The following C14orf132 variants were observed in gnomAD, a reference collection of about 807,000 sequenced individuals.
C14orf132 encodes chromosome 14 open reading frame 132, also known as uncharacterized protein C14orf132.
Under a neutral mutation model 5.8 loss-of-function variants are expected in C14orf132, and 6 were observed. That is an observed-to-expected ratio of 1.03 (90% CI 0.57 to 2.04). The LOEUF (loss-of-function observed/expected upper bound fraction) is 2.04. C14orf132 is among the 30% of genes most tolerant of loss of function. The pLI is 0.00. For synonymous variants in C14orf132, 51 were observed against 49.8 expected (o/e 1.02, Z -0.10); for missense variants, 125 against 115.8 (o/e 1.08, Z -0.37).
intron 1 of C14orf132, among the ~76,000 whole-genome samples, chr14:96,049,525 TACACATATATACATAC>T (rs1886941701): frequency 7.2e-6 from 1 of 138,448 alleles, no homozygotes; most frequent in Non-Finnish European, 1.6e-5. Context: ...CGTATATATA[TACACATATATACATAC>T]GTATATATAT....
At chr14:96,070,525 A>G (rs1380586533) in intron 1 of C14orf132, among the ~76,000 whole-genome samples, 1 of 151,638 alleles carries the variant, frequency 6.6e-6, no homozygotes, top group Non-Finnish European at 1.5e-5. Flanking sequence ...TGTCCCAGGA[A>G]ACCCAGATTC....
chr14:96,067,758 C>T (rs1018276125), intron 1 of C14orf132, among the ~76,000 whole-genome samples: 7 of 150,632 alleles, frequency 4.6e-5, no homozygotes, highest in African/African-American at 1.5e-4. Context: ...TGTGCCTGGT[C>T]ACACTTGGAG....
intron 1 of C14orf132, among the ~76,000 whole-genome samples, chr14:96,078,370 TAG>T (rs1887936110): frequency 6.6e-6 from 1 of 152,216 alleles, no homozygotes; most frequent in African/African-American, 2.4e-5. Context: ...GTCTTCTGTC[TAG>T]AGAGAGGGGG....
intron 1 of C14orf132, among the ~76,000 whole-genome samples, chr14:96,078,157 A>G (rs1176206276): frequency 2.6e-5 from 4 of 152,192 alleles, no homozygotes; most frequent in African/African-American, 7.2e-5. Context: ...AGATCAAGGG[A>G]GCCCCCACAC....
chr14:96,059,820 G>A (rs1182585779), intron 1 of C14orf132, among the ~76,000 whole-genome samples: 1 of 152,184 alleles, frequency 6.6e-6, no homozygotes, highest in Non-Finnish European at 1.5e-5. Context: ...GCCAGAGGGA[G>A]CTTTCTCCTG....
chr14:96,049,546 A>G (rs1566823643), intron 1 of C14orf132, among the ~76,000 whole-genome samples: 1 of 137,590 alleles, frequency 7.3e-6, no homozygotes, highest in Non-Finnish European at 1.6e-5. Flanking sequence ...ACATACGTAT[A>G]TATATACATA....
At chr14:96,057,944 A>C (rs1176784915) in intron 1 of C14orf132, among the ~76,000 whole-genome samples, 1 of 152,178 alleles carries the variant, frequency 6.6e-6, no homozygotes, top group Admixed American at 6.5e-5. Flanking sequence ...GAGTCACCAT[A>C]ACCATAACTG....
Position 96,089,114 on chromosome 14 carries a change from C to T in C14orf132, c.*2379C>T, listed in dbSNP as rs1888301554. On this transcript the variant is annotated 3_prime_UTR_variant, in exon 2 of 2. Coordinates refer to ENST00000555004, the MANE Select transcript of C14orf132 (RefSeq NM_001252507.3). Reference sequence around the variant, plus strand: ...TCATCAGCTTTTTTTTTACCAGCATCTCTCAAATAACAATGAAGATAGATA... The same window carrying T: ...TCATCAGCTTTTTTTTTACCAGCATTTCTCAAATAACAATGAAGATAGATA... The T allele has an allele frequency of 1.3e-5, 2 of 152,212 alleles. No homozygotes were observed. The highest frequency in any genetic ancestry group is 2.9e-5 in the Non-Finnish European group (2 of 68,072). 9.4% of individuals were successfully genotyped at this position (152,212 alleles called of 1,614,324 possible). A position where few individuals can be genotyped will look rare whatever the true frequency, so the allele number is the denominator to read the frequency against.
chr14:96,043,762 C>T (rs969742556), intron 1 of C14orf132, among the ~76,000 whole-genome samples: 2 of 152,170 alleles, frequency 1.3e-5, no homozygotes, highest in African/African-American at 4.8e-5. Context: ...GCTCTCTGGT[C>T]ACCCTTAGGC....
chr14:96,063,088 G>A lies in C14orf132; in HGVS notation c.28-23423G>A, dbSNP rs376044748. On this transcript the variant is annotated intron_variant, in intron 1 of 1. Transcript: ENST00000555004. ...TTTAAAGAGTTTGGAAGGTGGATGA[G>A]GCAGGGATCGTCATATCTGTTTGAT... is the stretch of plus-strand genomic sequence containing the variant. Among the ~76,000 whole-genome samples, 3 of 152,240 alleles carry A rather than the reference G, an allele frequency of 2.0e-5. No individual in the cohort carries two copies. The East Asian group carries it at 5.8e-4, about 29-fold the overall frequency.
intron 1 of C14orf132, among the ~76,000 whole-genome samples, chr14:96,079,769 C>T (rs1017294345): frequency 2.6e-5 from 4 of 152,030 alleles, no homozygotes; most frequent in African/African-American, 9.7e-5. Flanking sequence ...TGCTAGGTCC[C>T]CCAGAGAGCC....
At position 96,088,291 on chromosome 14, in the gene C14orf132, G is replaced by C. The variant is rs1888268627; in HGVS notation, c.*1556G>C. The C allele has an allele frequency of 6.6e-6, 1 of 152,212 alleles. No individual in the cohort carries two copies. Among genetic ancestry groups the C allele is most frequent in the African/African-American group, 2.4e-5 (1 of 41,452 alleles). 9.4% of individuals were successfully genotyped at this position (152,212 alleles called of 1,614,324 possible). A position where few individuals can be genotyped will look rare whatever the true frequency, so the allele number is the denominator to read the frequency against. The stretch of plus-strand genomic sequence containing the variant: ...AGCCGCCATGTTAATAGGATTACTA[G>C]CCTGGCTCCAGACAGTGCCTGCTCA... On this transcript the variant is annotated 3_prime_UTR_variant, in exon 2 of 2. Coordinates refer to ENST00000555004, the MANE Select transcript of C14orf132 (RefSeq NM_001252507.3).
intron 1 of C14orf132, among the ~76,000 whole-genome samples, chr14:96,069,183 A>ATATATATATATATATGTATATATATATG (rs372630503): frequency 1.5e-5 from 2 of 134,268 alleles, no homozygotes; most frequent in Admixed American, 7.7e-5. Context: ...ATATATGTAT[A>ATATATATATATATATGTATATATATATG]TATATATATA....
rs79014251 is a variant in C14orf132, at chr14:96,081,455, C to T, written c.28-5056C>T. On this transcript the variant is annotated intron_variant, in intron 1 of 1. Coordinates refer to ENST00000555004, the MANE Select transcript of C14orf132 (RefSeq NM_001252507.3). ...GCCCTCAGGATTCTTGACTGATGGT[C>T]CTAGGATTCATTCATTTACCAAATA... 0.011 allele frequency among the ~76,000 whole-genome samples: 1,750 copies of T among 152,266 alleles called. 206 individuals are homozygous for T. In the East Asian group the frequency reaches 0.27, roughly 24 times the overall value.
rs2181639 is a variant in C14orf132 at position 96,092,913 on chromosome 14, C to T, written c.*6178C>T. The T allele has an allele frequency of 0.055, 8,378 of 152,216 alleles. 460 individuals carry two copies. The highest frequency in any genetic ancestry group is 0.3 in the East Asian group (1,566 of 5,170). 9.4% of individuals were successfully genotyped at this position (152,216 alleles called of 1,614,324 possible). On this transcript the variant is annotated 3_prime_UTR_variant, in exon 2 of 2. Transcript: ENST00000555004. The stretch of plus-strand genomic sequence containing the variant: ...CATGGGTGGAGGCCAGGGATGCCAC[C>T]GAACATCCTACAATGCACAGGGCAG...
chr14:96,091,270 G>A lies in C14orf132; in HGVS notation c.*4535G>A. The A allele has an allele frequency of 1.2e-5, 4 of 344,598 alleles. No individual in the cohort carries two copies. Among genetic ancestry groups the A allele is most frequent in the South Asian group, 9.4e-5 (4 of 42,710 alleles). The allele number at this position is 344,598 out of a possible 1,614,324, so 21.3% of individuals were successfully genotyped here. Reference sequence around the variant, plus strand: ...TTTGGTCCTGAAGAGCTTATAGCCAGATTGCCACATTCAAGTGTAAGTCCA... The same window carrying A: ...TTTGGTCCTGAAGAGCTTATAGCCAAATTGCCACATTCAAGTGTAAGTCCA... On this transcript the variant is annotated 3_prime_UTR_variant, in exon 2 of 2. Transcript: ENST00000555004.
At chr14:96,058,472 A>C (rs747998861) in intron 1 of C14orf132, among the ~76,000 whole-genome samples, 1 of 152,034 alleles carries the variant, frequency 6.6e-6, no homozygotes, top group African/African-American at 2.4e-5. Context: ...TTAATCATCT[A>C]CCTTCTTGCT....
At chr14:96,051,659 A>G (rs1887030601) in intron 1 of C14orf132, among the ~76,000 whole-genome samples, 1 of 152,164 alleles carries the variant, frequency 6.6e-6, no homozygotes, top group African/African-American at 2.4e-5. Flanking sequence ...ATTGAGTCTT[A>G]GCAGCCCTTC....
chr14:96,072,194 G>A (rs1457486183), intron 1 of C14orf132, among the ~76,000 whole-genome samples: 1 of 152,248 alleles, frequency 6.6e-6, no homozygotes, highest in Admixed American at 6.5e-5. Context: ...CTGCAGGCCT[G>A]TCGAAACACC....
Sources: gnomAD v4.1 joint callset for allele counts (sites outside exome capture counted in the v4.1 genomes callset) on GRCh38, gnomAD v4.1.1 for gene constraint, MANE v1.5 for transcripts, NCBI Gene and HGNC (gene_info 2026-07-23, HGNC 2026-07-21) for gene names.